Variants in TUSC3 observed in about 807,000 individuals in gnomAD.
TUSC3 encodes the protein dolichyl-diphosphooligosaccharide--protein glycosyltransferase subunit TUSC3.
In TUSC3, 45 loss-of-function variants were observed where a neutral mutation model predicts 44.8. The ratio of observed to expected loss-of-function variants is 1.00; its 90% confidence interval spans 0.79 to 1.29. The LOEUF (loss-of-function observed/expected upper bound fraction) is 1.29. Ranked by LOEUF, TUSC3 falls within the 50% of genes most tolerant of loss-of-function variation. TUSC3 has a pLI of 0.00. For missense variants in TUSC3, 519 were observed against 437.9 expected (o/e 1.19, Z -1.65); for synonymous variants, 212 against 152.9 (o/e 1.39, Z -2.85).
the TUSC3 span, among the ~76,000 whole-genome samples, chr8:15,801,392 A>T: frequency 1.3e-5 from 2 of 152,154 alleles, no homozygotes. Flanking sequence ...GGTGGCTGAG[A>T]GCATGTCTGC....
chr8:15,770,182 C>T (rs944205292), downstream of TUSC3, among the ~76,000 whole-genome samples: 2 of 152,096 alleles, frequency 1.3e-5, no homozygotes, highest in African/African-American at 2.4e-5. Context: ...CAATGATAGA[C>T]TGGATAAAGA....
intron 3 of TUSC3, among the ~76,000 whole-genome samples, chr8:15,651,634 A>G (rs1048618069): frequency 4.6e-5 from 7 of 152,210 alleles, no homozygotes; most frequent in African/African-American, 1.7e-4. Flanking sequence ...CAGGCCAGGA[A>G]GAGGAGCCTC....
intron 1 of TUSC3, among the ~76,000 whole-genome samples, chr8:15,479,663 C>T (rs1800631965): frequency 6.6e-6 from 1 of 152,110 alleles, no homozygotes; most frequent in South Asian, 2.1e-4. Context: ...TGTACCAGTA[C>T]CATGCTGTTT....
At position 15,765,661 on chromosome 8, in the gene TUSC3, C is replaced by T. The variant is rs1185836725; in HGVS notation, c.*1505C>T. The stretch of plus-strand genomic sequence containing the variant: ...ATAATTGTAAGTTTATAATCATACT[C>T]CCAAATCTGTTACTAAAAATAACAT... On this transcript the variant is annotated 3_prime_UTR_variant, in exon 11 of 11. Coordinates refer to ENST00000503731, the MANE Select transcript of TUSC3 (RefSeq NM_006765.4). 1.3e-5 allele frequency: 2 copies of T among 151,900 alleles called. No individual in the cohort carries two copies. The highest frequency in any genetic ancestry group is 2.9e-5 in the Non-Finnish European group (2 of 67,928). The allele number at this position is 151,900 out of a possible 1,614,324, so 9.4% of individuals were successfully genotyped here.
intron 2 of TUSC3, among the ~76,000 whole-genome samples, chr8:15,507,131 C>G (rs1045911038): frequency 1.3e-5 from 2 of 152,078 alleles, no homozygotes; most frequent in African/African-American, 4.8e-5. Context: ...TTTGGCCAGC[C>G]TTCAGAGGGC....
the TUSC3 span, among the ~76,000 whole-genome samples, chr8:15,805,548 G>C: frequency 8.2e-4 from 125 of 152,112 alleles, no homozygotes; most frequent in African/African-American, 2.8e-3. Flanking sequence ...AAGGATGTTG[G>C]ATTTTATTAA....
chr8:15,554,926 A>G (rs951038676), intron 1 of TUSC3, among the ~76,000 whole-genome samples: 4 of 151,336 alleles, frequency 2.6e-5, no homozygotes, highest in African/African-American at 9.7e-5. Context: ...ATAATTTTAA[A>G]TAGCTACTGT....
chr8:15,524,055 T>TGA (rs1801340335), intron 2 of TUSC3, among the ~76,000 whole-genome samples: 1 of 68,198 alleles, frequency 1.5e-5, no homozygotes, highest in African/African-American at 5.4e-5. Flanking sequence ...TGACTCCGTC[T>TGA]CAAAAAAAAA....
chr8:15,791,947 A>G, the TUSC3 span, among the ~76,000 whole-genome samples: 28 of 152,268 alleles, frequency 1.8e-4, no homozygotes, highest in Admixed American at 5.9e-4. Flanking sequence ...ACAAAGAATT[A>G]CTGAACTGTT....
intron 6 of TUSC3, chr8:15,689,231 T>A (rs1016962286): frequency 2.9e-6 from 1 of 350,318 alleles, no homozygotes; most frequent in African/African-American, 2.2e-5. Flanking sequence ...TGCATCTGCA[T>A]ATATTTTCAG....
intron 1 of TUSC3, among the ~76,000 whole-genome samples, chr8:15,620,500 C>T (rs900589222): frequency 1.3e-5 from 2 of 151,926 alleles, no homozygotes; most frequent in Admixed American, 1.3e-4. Context: ...CACAGTGGTT[C>T]TCAATATTTA....
intron 1 of TUSC3, among the ~76,000 whole-genome samples, chr8:15,434,628 C>T (rs1463114902): frequency 1.3e-5 from 2 of 150,958 alleles, no homozygotes; most frequent in Non-Finnish European, 2.9e-5. Context: ...TGTGCTGCAC[C>T]CATTAACTCG....
rs151223991 is a variant in TUSC3 at position 15,523,639 on chromosome 8, C to CATATATATATAT, written n.189+40171_189+40182dup. Reference sequence around the variant, plus strand: ...AATTGGCTTAAAAATCCTTTAAAAACATATATATATATATATATATATATA... The same window carrying CATATATATATAT: ...AATTGGCTTAAAAATCCTTTAAAAACATATATATATATATATATATATATATATATATATATA... On this transcript the variant is annotated intron_variant and non_coding_transcript_variant, in intron 2 of 5. Coordinates refer to the TUSC3 transcript ENST00000503191. Among the ~76,000 whole-genome samples the CATATATATATAT allele has an allele frequency of 8.0e-3, 505 of 63,234 alleles. 2 individuals are homozygous for CATATATATATAT. Among genetic ancestry groups the CATATATATATAT allele is most frequent in the Admixed American group, 9.8e-3 (50 of 5,126 alleles). 41.5% of individuals were successfully genotyped at this position (63,234 alleles called of 152,430 possible). A position where few individuals can be genotyped will look rare whatever the true frequency, so the allele number is the denominator to read the frequency against.
At chr8:15,836,788 A>T in the TUSC3 span, among the ~76,000 whole-genome samples, 1 of 152,112 alleles carries the variant, frequency 6.6e-6, no homozygotes, top group Non-Finnish European at 1.5e-5. Context: ...TCTAACTTTA[A>T]ATGATATGCT....
At chr8:15,806,888 T>A in the TUSC3 span, 2 of 1,231,726 alleles carry the variant, frequency 1.6e-6, no homozygotes, top group African/African-American at 2.9e-5. Context: ...GGGGAGAAAG[T>A]AAGACGCTTA....
intron 1 of TUSC3, among the ~76,000 whole-genome samples, chr8:15,583,180 G>A (rs761639861): frequency 1.3e-5 from 2 of 152,142 alleles, no homozygotes; most frequent in South Asian, 2.1e-4. Flanking sequence ...ATTTTATGTC[G>A]TCAAAATGAA....
intron 1 of TUSC3, among the ~76,000 whole-genome samples, chr8:15,569,109 T>A (rs180941513): frequency 1.3e-5 from 2 of 152,330 alleles, no homozygotes; most frequent in East Asian, 3.9e-4. Context: ...AACAGTTTCC[T>A]TTATTACTGT....
At chr8:15,458,017 A>C (rs1281613275) in intron 1 of TUSC3, among the ~76,000 whole-genome samples, 1 of 152,048 alleles carries the variant, frequency 6.6e-6, no homozygotes, top group Non-Finnish European at 1.5e-5. Flanking sequence ...TATAAAGTTA[A>C]AAAGGCCAAA....
chr8:15,714,183 C>T lies in TUSC3; in HGVS notation c.799-16483C>T, dbSNP rs143246057. 2.3e-3 allele frequency among the ~76,000 whole-genome samples: 356 copies of T among 152,224 alleles called. 2 individuals are homozygous for T. The highest frequency in any genetic ancestry group is 8.2e-3 in the African/African-American group (341 of 41,538). ...ATTGCATTATATAACTTAAAATGCT[C>T]TGTTATTGGAATATGAGGATAGAAT... is the stretch of plus-strand genomic sequence containing the variant. On this transcript the variant is annotated intron_variant, in intron 6 of 10. Transcript: ENST00000503731.
Sources: gnomAD v4.1 joint callset for allele counts (sites outside exome capture counted in the v4.1 genomes callset) on GRCh38, gnomAD v4.1.1 for gene constraint, MANE v1.5 for transcripts, NCBI Gene and HGNC (gene_info 2026-07-23, HGNC 2026-07-21) for gene names.